Variants in PCCA observed in about 807,000 individuals in gnomAD.
PCCA encodes propionyl-CoA carboxylase subunit alpha, also known as propionyl-CoA carboxylase alpha chain, mitochondrial.
A neutral mutation model predicts 101.3 loss-of-function variants in PCCA; 74 were observed. The observed-to-expected ratio is 0.73, with a 90% CI of 0.61 to 0.89. The LOEUF (loss-of-function observed/expected upper bound fraction) is 0.89. Ranked by LOEUF, PCCA falls within the 40% of genes least tolerant of loss-of-function variation. The pLI is 0.00. For missense variants in PCCA, 891 were observed against 907.0 expected, an observed-to-expected ratio of 0.98 and a Z score of 0.23; for synonymous variants, 294 against 313.6, an observed-to-expected ratio of 0.94 and a Z score of 0.66.
chr13:100,276,597 G>A (rs2152607632), intron 12 of PCCA, among the ~76,000 whole-genome samples: 1 of 151,818 alleles, frequency 6.6e-6, no homozygotes, highest in Admixed American at 6.6e-5. Flanking sequence ...TGTTTCTTAT[G>A]CTCTCTTTGA....
At chr13:100,143,073 C>T (rs2052089630) in intron 4 of PCCA, among the ~76,000 whole-genome samples, 1 of 152,138 alleles carries the variant, frequency 6.6e-6, no homozygotes, top group African/African-American at 2.4e-5. Flanking sequence ...TTCTGTTTTT[C>T]AATCCTGCTA....
chr13:100,522,644 G>A (rs145201318), intron 22 of PCCA, among the ~76,000 whole-genome samples: 125 of 152,236 alleles, frequency 8.2e-4, no homozygotes, highest in African/African-American at 2.8e-3. Context: ...TGACTCCCTC[G>A]TCATTTTCTT....
At chr13:100,343,615 G>A (rs1425930162) in intron 18 of PCCA, among the ~76,000 whole-genome samples, 1 of 152,228 alleles carries the variant, frequency 6.6e-6, no homozygotes, top group East Asian at 1.9e-4. Flanking sequence ...CTGGGTCTGG[G>A]TATGGGAGCA....
At chr13:100,177,885 A>G (rs2056391629) in intron 6 of PCCA, among the ~76,000 whole-genome samples, 1 of 152,200 alleles carries the variant, frequency 6.6e-6, no homozygotes, top group African/African-American at 2.4e-5. Context: ...ATGTCTTTAA[A>G]AATTCAACTG....
intron 12 of PCCA, among the ~76,000 whole-genome samples, chr13:100,296,468 T>C (rs546060366): frequency 6.6e-6 from 1 of 151,908 alleles, no homozygotes; most frequent in South Asian, 2.1e-4. Flanking sequence ...TCCAGTCTGC[T>C]CTCAAACTCC....
At chr13:100,293,366 G>T (rs2065282219) in intron 12 of PCCA, 3 of 321,562 alleles carry the variant, frequency 9.3e-6, no homozygotes, top group South Asian at 8.1e-5. Context: ...AAATTTTTTT[G>T]TAACTTGATT....
chr13:100,251,290 A>G (rs2061738107), intron 8 of PCCA, among the ~76,000 whole-genome samples: 1 of 152,246 alleles, frequency 6.6e-6, no homozygotes, highest in Non-Finnish European at 1.5e-5. Flanking sequence ...GTACAAAAAT[A>G]TTCAAAGGAC....
At chr13:100,096,967 T>A (rs982939545) in intron 1 of PCCA, among the ~76,000 whole-genome samples, 4 of 152,126 alleles carry the variant, frequency 2.6e-5, no homozygotes, top group African/African-American at 9.7e-5. Context: ...GGCGAGTGGA[T>A]CACAAGGTCA....
chr13:100,231,518 G>T (rs1482673550), intron 7 of PCCA, among the ~76,000 whole-genome samples: 1 of 152,132 alleles, frequency 6.6e-6, no homozygotes, highest in Non-Finnish European at 1.5e-5. Context: ...AAGCTTAAGT[G>T]ATTTTGGGGA....
chr13:100,522,951 T>C (rs2087427598), intron 22 of PCCA, among the ~76,000 whole-genome samples: 1 of 152,274 alleles, frequency 6.6e-6, no homozygotes, highest in African/African-American at 2.4e-5. Context: ...TTCTGATGAA[T>C]ATCTGGTCTT....
chr13:100,249,021 T>C (rs564810340), intron 8 of PCCA, among the ~76,000 whole-genome samples: 5 of 152,298 alleles, frequency 3.3e-5, no homozygotes, highest in African/African-American at 1.2e-4. Context: ...CCCAAAGTGC[T>C]GGGATTACAG....
At chr13:100,254,307 G>A (rs542927268) in intron 8 of PCCA, among the ~76,000 whole-genome samples, 6 of 152,214 alleles carry the variant, frequency 3.9e-5, no homozygotes, top group Non-Finnish European at 7.4e-5. Flanking sequence ...CAGAGCCAAC[G>A]CTTATCATTC....
chr13:100,185,818 T>G (rs2057213308), intron 6 of PCCA, among the ~76,000 whole-genome samples: 1 of 152,088 alleles, frequency 6.6e-6, no homozygotes, highest in African/African-American at 2.4e-5. Context: ...TGACTAATTT[T>G]GTATTTTTAG....
At chr13:100,257,151 T>G (rs954181999) in intron 8 of PCCA, among the ~76,000 whole-genome samples, 4 of 152,212 alleles carry the variant, frequency 2.6e-5, no homozygotes, top group Non-Finnish European at 5.9e-5. Context: ...TCTGTGACTC[T>G]TCAGATGAAA....
intron 20 of PCCA, among the ~76,000 whole-genome samples, chr13:100,444,594 C>T (rs1346610705): frequency 6.6e-6 from 1 of 152,030 alleles, no homozygotes; most frequent in Non-Finnish European, 1.5e-5. Flanking sequence ...AGGTGCCCGC[C>T]ACCATGCCCA....
intron 8 of PCCA, among the ~76,000 whole-genome samples, chr13:100,248,656 G>T (rs1243475198): frequency 6.6e-6 from 1 of 152,022 alleles, no homozygotes; most frequent in East Asian, 1.9e-4. Context: ...TTGTTTCCTG[G>T]TTGAGTTTTA....
intron 8 of PCCA, among the ~76,000 whole-genome samples, chr13:100,250,449 A>G (rs1185644452): frequency 6.6e-6 from 1 of 151,928 alleles, no homozygotes; most frequent in Non-Finnish European, 1.5e-5. Flanking sequence ...ATATTATTGG[A>G]TTTTTTAGTC....
At chr13:100,317,681 G>T (rs9554676) in intron 16 of PCCA, among the ~76,000 whole-genome samples, 45,402 of 151,680 alleles carry the variant, frequency 0.3, 8,157 homozygotes, top group Middle Eastern at 0.46. Flanking sequence ...TAACCTCCAG[G>T]GTTCAGCTGA....
chr13:100,268,752 A>C lies in PCCA; in HGVS notation c.883A>C (p.Arg295=), dbSNP rs936517339. The part of the protein sequence containing the change: ...LNERECSIQR[R]NQKVVEEAPS... The stretch of plus-strand genomic sequence containing the variant: ...TGAAAGAGAGTGCTCAATTCAGAGA[A>C]GAAATCAGAAGGTGGTGGAGGAAGC... Residue 295 remains arginine, a synonymous_variant, in exon 11 of 24, where the codon AGA becomes CGA. Transcript: ENST00000376285. The C allele has an allele frequency of 6.2e-7, 1 of 1,614,020 alleles. No individual in the cohort carries two copies.
Sources: gnomAD v4.1 joint callset for allele counts (sites outside exome capture counted in the v4.1 genomes callset) on GRCh38, gnomAD v4.1.1 for gene constraint, MANE v1.5 for transcripts, NCBI Gene and HGNC (gene_info 2026-07-23, HGNC 2026-07-21) for gene names.